The following SULF2 variants were observed in gnomAD, a reference collection of about 807,000 sequenced individuals.
SULF2 encodes extracellular sulfatase Sulf-2.
Under a neutral mutation model 107.7 loss-of-function variants are expected in SULF2, and 52 were observed. The observed-to-expected ratio is 0.48, with a 90% CI of 0.39 to 0.61. SULF2 has a LOEUF of 0.61. SULF2 is among the 20% of genes least tolerant of loss of function. The probability of loss-of-function intolerance (pLI) is 0.00; values close to 1 mark genes in which losing one functional copy is unlikely to be tolerated. For synonymous variants in SULF2, 460 were observed against 464.3 expected (o/e 0.99, Z 0.12); for missense variants, 993 against 1,177.3 (o/e 0.84, Z 2.29).
intron 2 of SULF2, among the ~76,000 whole-genome samples, chr20:47,744,521 C>A (rs1476882858): frequency 6.6e-6 from 1 of 152,160 alleles, no homozygotes; most frequent in Non-Finnish European, 1.5e-5. Flanking sequence ...GGTCTGCAGG[C>A]CTGTCTGTGT....
At chr20:47,660,051 CAG>C (rs2146374136) in intron 18 of SULF2, among the ~76,000 whole-genome samples, 1 of 152,322 alleles carries the variant, frequency 6.6e-6, no homozygotes, top group East Asian at 1.9e-4. Flanking sequence ...CTCCAGAGGA[CAG>C]AAAGCCAAGA....
chr20:47,744,958 CAA>C (rs2089972962), intron 2 of SULF2, among the ~76,000 whole-genome samples: 1 of 152,066 alleles, frequency 6.6e-6, no homozygotes, highest in Non-Finnish European at 1.5e-5. Flanking sequence ...AACACACACA[CAA>C]ACAGATGCAC....
At chr20:47,777,316 T>C (rs1333206136) in intron 1 of SULF2, among the ~76,000 whole-genome samples, 3 of 151,810 alleles carry the variant, frequency 2.0e-5, no homozygotes, top group Non-Finnish European at 2.9e-5. Flanking sequence ...TCTGCTAGGG[T>C]GGGAGTGTTC....
intron 17 of SULF2, among the ~76,000 whole-genome samples, chr20:47,662,277 G>A (rs1206621936): frequency 1.3e-5 from 2 of 152,192 alleles, no homozygotes; most frequent in East Asian, 1.9e-4. Flanking sequence ...GCAGCCATTT[G>A]ATGAAAGGAC....
chr20:47,691,122 G>GT (rs1168349219), intron 4 of SULF2, among the ~76,000 whole-genome samples: 14 of 152,208 alleles, frequency 9.2e-5, no homozygotes, highest in African/African-American at 3.4e-4. Flanking sequence ...TAAGTCTGAA[G>GT]TTTTTTCAAG....
At chr20:47,668,429 A>G (rs73312174) in intron 11 of SULF2, among the ~76,000 whole-genome samples, 6,261 of 152,210 alleles carry the variant, frequency 0.041, 443 homozygotes, top group African/African-American at 0.14. Context: ...CTGAAGCCAC[A>G]CTACCTGCTC....
chr20:47,762,578 A>G (rs1165050571), intron 1 of SULF2, among the ~76,000 whole-genome samples: 1 of 152,110 alleles, frequency 6.6e-6, no homozygotes, highest in Non-Finnish European at 1.5e-5. Flanking sequence ...CTCAACCAGG[A>G]CCCCCTAGAA....
intron 1 of SULF2, among the ~76,000 whole-genome samples, chr20:47,761,865 G>C (rs376811310): frequency 1.3e-5 from 2 of 152,212 alleles, no homozygotes; most frequent in Non-Finnish European, 2.9e-5. Context: ...TAATTCCCAC[G>C]TGTTGTGGGA....
chr20:47,718,147 C>G (rs993330560), intron 3 of SULF2, among the ~76,000 whole-genome samples: 6 of 152,022 alleles, frequency 3.9e-5, no homozygotes, highest in Non-Finnish European at 8.8e-5. Context: ...CCGAGGCAGG[C>G]AGGTCTGAGG....
At chr20:47,696,408 C>G (rs1568827044) in intron 4 of SULF2, among the ~76,000 whole-genome samples, 1 of 151,774 alleles carries the variant, frequency 6.6e-6, no homozygotes, top group African/African-American at 2.4e-5. Context: ...TACCACCCCC[C>G]CACCCCCATA....
Position 47,694,971 on chromosome 20 carries a change from A to G in SULF2, c.568-4676T>C, listed in dbSNP as rs994647693. 6.6e-6 allele frequency among the ~76,000 whole-genome samples: 1 copy of G among 152,182 alleles called. No homozygotes were observed. Among genetic ancestry groups the G allele is most frequent in the African/African-American group, 2.4e-5 (1 of 41,466 alleles). ...AAGCCATGCATCCAGAGCTGGAGCC[A>G]AGGCCTTTGTATTTTTGGGTCAGGT... On this transcript the variant is annotated intron_variant, in intron 4 of 20. Transcript: ENST00000688720. This position sits in a 1 kb window ranked among gnomAD's most constrained non-coding sequence, Gnocchi z 4.4.
intron 4 of SULF2, among the ~76,000 whole-genome samples, chr20:47,699,882 G>A (rs549831120): frequency 4.6e-5 from 7 of 152,236 alleles, no homozygotes; most frequent in South Asian, 2.1e-4. Context: ...CTTCTCCACC[G>A]TCTCCACCAC....
In SULF2 at chr20:47,666,561, TTCA is replaced by T. The variant is rs2087281169; in HGVS notation, c.1577-76_1577-74del. 1 of 1,223,008 alleles carries T rather than the reference TTCA, an allele frequency of 8.2e-7. No individual in the cohort carries two copies. The highest frequency in any genetic ancestry group is 1.2e-6 in the Non-Finnish European group (1 of 854,274). 75.8% of individuals were successfully genotyped at this position (1,223,008 alleles called of 1,614,324 possible). On this transcript the variant is annotated intron_variant, in intron 11 of 20. Coordinates refer to ENST00000688720, the MANE Select transcript of SULF2 (RefSeq NM_001387048.1). The surrounding 1 kb of genome is among the most constrained non-coding windows in gnomAD (Gnocchi z 5.4). ...GCCAGGCTCCCAGGGCAGTGGGTCCTTCATCAAGATAGGGCCGGGCTTCCAAGC... is the reference window on the plus strand; with the variant it reads ...GCCAGGCTCCCAGGGCAGTGGGTCCTTCAAGATAGGGCCGGGCTTCCAAGC...
At chr20:47,664,835 T>C (rs2087206586) in intron 14 of SULF2, among the ~76,000 whole-genome samples, 1 of 152,234 alleles carries the variant, frequency 6.6e-6, no homozygotes, top group Non-Finnish European at 1.5e-5. Flanking sequence ...ATTAGAGCTG[T>C]TCTAGAGTTC....
At chr20:47,745,699 T>G (rs2090020489) in intron 2 of SULF2, among the ~76,000 whole-genome samples, 1 of 151,632 alleles carries the variant, frequency 6.6e-6, no homozygotes, top group African/African-American at 2.4e-5. Context: ...CGGCTAATTT[T>G]TTTTATTTTT....
intron 11 of SULF2, among the ~76,000 whole-genome samples, chr20:47,668,271 G>A (rs1046936148): frequency 1.3e-5 from 2 of 152,228 alleles, no homozygotes; most frequent in African/African-American, 2.4e-5. Flanking sequence ...GCCTCCATCT[G>A]TCTTTGTGAA....
chr20:47,659,291 G>T, intron 20 of SULF2, 108 bp downstream of exon 20: 2 of 979,286 alleles, frequency 2.0e-6, no homozygotes, highest in South Asian at 1.3e-5. Flanking sequence ...CTCATCATGA[G>T]AACAAACAAA....
intron 20 of SULF2, among the ~76,000 whole-genome samples, chr20:47,658,927 C>T (rs1030673569): frequency 3.4e-4 from 51 of 152,160 alleles, no homozygotes; most frequent in African/African-American, 1.1e-3. Context: ...AGCAAACTGG[C>T]CTGCTCCCTT....
intron 2 of SULF2, among the ~76,000 whole-genome samples, chr20:47,739,405 C>T (rs2089824437): frequency 6.6e-6 from 1 of 152,164 alleles, no homozygotes; most frequent in African/African-American, 2.4e-5. Context: ...CAAGGTCGTG[C>T]CCCTGAGGTC....
Sources: gnomAD v4.1 joint callset for allele counts (sites outside exome capture counted in the v4.1 genomes callset) on GRCh38, gnomAD v4.1.1 for gene constraint, Gnocchi (gnomAD v3.1) non-coding constraint, MANE v1.5 for transcripts, NCBI Gene and HGNC (gene_info 2026-07-23, HGNC 2026-07-21) for gene names.